PEX1: variants seen among roughly 807,000 people sequenced by gnomAD.
PEX1 encodes the protein peroxisomal ATPase PEX1.
In PEX1, 97 loss-of-function variants were observed where a neutral mutation model predicts 152.5. The ratio of observed to expected loss-of-function variants is 0.64; its 90% CI spans 0.54 to 0.75. The LOEUF (loss-of-function observed/expected upper bound fraction) is 0.75. Ranked by LOEUF, PEX1 falls within the 30% of genes least tolerant of loss-of-function variation. PEX1 has a pLI of 0.00. For synonymous variants in PEX1, 485 were observed against 531.6 expected (o/e 0.91, Z 1.21); for missense variants, 1,357 against 1,516.3 (o/e 0.89, Z 1.74).
intron 16 of PEX1, 138 bp downstream of exon 16, chr7:92,499,566 G>A (rs980183399): frequency 1.4e-6 from 1 of 717,336 alleles, no homozygotes; most frequent in African/African-American, 1.8e-5. Context: ...GAATGAAAAA[G>A]TTTTGAAATT....
intron 12 of PEX1, 90 bp downstream of exon 12, chr7:92,504,642 T>C: frequency 7.8e-7 from 1 of 1,274,220 alleles, no homozygotes; most frequent in Non-Finnish European, 1.1e-6. Context: ...ACACATATAT[T>C]ATTCTCTGAA....
rs1485716896 is a variant in PEX1 at position 92,517,916 on chromosome 7, T to G, written c.599A>C (p.His200Pro). The G allele has an allele frequency of 8.2e-6, 13 of 1,577,738 alleles. No individual in the cohort carries two copies. The highest frequency in any genetic ancestry group is 1.1e-5 in the Non-Finnish European group (13 of 1,166,412). ...SKADAEYKKL[H>P]SYGRDQKGMM... ...TCCTTTCTGGTCTCTTCCATAACTATGAAGTTTTTTATATTCAGCATCAGC... is the reference window on the plus strand; with the variant it reads ...TCCTTTCTGGTCTCTTCCATAACTAGGAAGTTTTTTATATTCAGCATCAGC... The change falls in exon 5 of 24, where the codon CAT (histidine) becomes CCT (proline). Residue 200 changes from histidine to proline, a missense_variant. His to Pro is a moderately conservative substitution (Grantham distance 77). Transcript: ENST00000248633.
chr7:92,522,074 G>A, intron 2 of PEX1, 28 bp downstream of exon 2: 1 of 1,608,484 alleles, frequency 6.2e-7, no homozygotes, highest in East Asian at 2.2e-5. Context: ...GATATTAGAA[G>A]AAAGTTATTG....
At chr7:92,511,093 G>A (rs760189125) in intron 7 of PEX1, 46 bp from the exon 8 acceptor site, 4 of 876,070 alleles carry the variant, frequency 4.6e-6, no homozygotes, top group African/African-American at 1.7e-5. Flanking sequence ...CTGAAACAGA[G>A]ATGAAATAAT....
Position 92,513,952 on chromosome 7 carries a change from T to C in PEX1, c.1255A>G (p.Arg419Gly). 1 of 1,573,374 alleles carries C rather than the reference T, an allele frequency of 6.4e-7. No homozygotes were observed. Among genetic ancestry groups the C allele is most frequent in the Non-Finnish European group, 8.7e-7 (1 of 1,146,264 alleles). ...LGKVWIPDDL[R>G]KRLNIEMHAV... ...TGCATTTCTATATTTAGTCTCTTCCTCAGGTCATCTGGAATCTGAAATTTA... is the reference window on the plus strand; with the variant it reads ...TGCATTTCTATATTTAGTCTCTTCCCCAGGTCATCTGGAATCTGAAATTTA... Residue 419 changes from arginine to glycine, a missense_variant, in exon 6 of 24, where the codon AGG becomes GGG. Coordinates refer to ENST00000248633, the MANE Select transcript of PEX1 (RefSeq NM_000466.3).
chr7:92,505,799 AGAT>A (rs1792161230), intron 11 of PEX1, among the ~76,000 whole-genome samples: 2 of 152,346 alleles, frequency 1.3e-5, no homozygotes, highest in South Asian at 4.1e-4. Flanking sequence ...TTAATTGAAT[AGAT>A]AATAATGTAA....
intron 16 of PEX1, 97 bp downstream of exon 16, chr7:92,499,607 A>T: frequency 1.0e-6 from 1 of 997,338 alleles, no homozygotes; most frequent in Non-Finnish European, 1.6e-6. Context: ...TAGCATTGTG[A>T]ATGCACTAAA....
At chr7:92,512,604 G>A (rs542839341) in intron 6 of PEX1, among the ~76,000 whole-genome samples, 160 of 152,216 alleles carry the variant, frequency 1.1e-3, no homozygotes, top group Non-Finnish European at 1.7e-3. Flanking sequence ...TGGTTCTCCT[G>A]CCTCAGCCTC....
chr7:92,495,155 T>C (rs906653286), intron 17 of PEX1, among the ~76,000 whole-genome samples: 3 of 152,124 alleles, frequency 2.0e-5, no homozygotes, highest in African/African-American at 7.2e-5. Flanking sequence ...CTATAAAATA[T>C]ATTTTATTTC....
In PEX1 at chr7:92,517,429, T is replaced by G. The variant is rs1428526541; in HGVS notation, c.1086A>C (p.Ser362=). ...VLSPEKEKQM[S]EPLDQKKIRS... ...TAATTTTTTTTTGATCTAGTGGCTCTGACATCTGCTTCTCTTTTTCAGGTG... is the reference window on the plus strand; with the variant it reads ...TAATTTTTTTTTGATCTAGTGGCTCGGACATCTGCTTCTCTTTTTCAGGTG... The change falls in exon 5 of 24, where the codon TCA becomes TCC. Residue 362 remains serine (S), a synonymous_variant. Coordinates refer to ENST00000248633, the MANE Select transcript of PEX1 (RefSeq NM_000466.3). 1 of 1,613,948 alleles carries G rather than the reference T, an allele frequency of 6.2e-7. No individual in the cohort carries two copies. Among genetic ancestry groups the G allele is most frequent in the Non-Finnish European group, 8.5e-7 (1 of 1,180,030 alleles).
chr7:92,492,290 T>C (rs996837872), intron 20 of PEX1, among the ~76,000 whole-genome samples: 2 of 152,128 alleles, frequency 1.3e-5, no homozygotes, highest in Non-Finnish European at 2.9e-5. Context: ...ACTACAGGTA[T>C]GTGCCACCAT....
At chr7:92,490,632 C>CAAAAA (rs35917694) in intron 21 of PEX1, among the ~76,000 whole-genome samples, 18 of 79,618 alleles carry the variant, frequency 2.3e-4, no homozygotes, top group African/African-American at 7.4e-4. Flanking sequence ...GAGACTGTCT[C>CAAAAA]AAAAAAAAAA....
At chr7:92,511,726 T>C in intron 6 of PEX1, 23 bp from the exon 7 acceptor site, 1 of 1,602,532 alleles carries the variant, frequency 6.2e-7, no homozygotes, top group Non-Finnish European at 8.5e-7. Flanking sequence ...GGAATAGTAA[T>C]GAATTATCCT....
intron 20 of PEX1, among the ~76,000 whole-genome samples, chr7:92,492,265 T>C (rs1245363204): frequency 6.6e-6 from 1 of 152,072 alleles, no homozygotes; most frequent in Non-Finnish European, 1.5e-5. Context: ...CCACAGCCTC[T>C]CCCAAGAAGC....
intron 16 of PEX1, among the ~76,000 whole-genome samples, chr7:92,497,972 G>A (rs1791734032): frequency 6.7e-6 from 1 of 150,166 alleles, no homozygotes; most frequent in African/African-American, 2.5e-5. Flanking sequence ...GGAGGCTGAG[G>A]CAGGAATCAC....
intron 7 of PEX1, 125 bp downstream of exon 7, chr7:92,511,455 G>T: frequency 1.2e-6 from 1 of 822,900 alleles, no homozygotes; most frequent in Non-Finnish European, 1.9e-6. Context: ...AAAAACTACT[G>T]TTTAATTATC....
At chr7:92,489,218 A>G in intron 23 of PEX1, 75 bp downstream of exon 23, 1 of 1,270,716 alleles carries the variant, frequency 7.9e-7, no homozygotes, top group Admixed American at 1.7e-5. Context: ...TTAAACACGA[A>G]CTTTAAAGGT....
intron 22 of PEX1, 98 bp from the exon 23 acceptor site, chr7:92,489,521 G>T: frequency 2.6e-6 from 3 of 1,149,012 alleles, no homozygotes; most frequent in Non-Finnish European, 3.9e-6. Context: ...TTTTTCAAGA[G>T]ACCATACGTT....
chr7:92,490,222 TTA>T, intron 21 of PEX1: 1 of 346,026 alleles, frequency 2.9e-6, no homozygotes, highest in Middle Eastern at 9.2e-4. Flanking sequence ...GAAAGTAAAG[TTA>T]TACTAAGTTT....
Sources: allele counts gnomAD v4.1 joint callset (sites outside exome capture counted in the v4.1 genomes callset), GRCh38; gene constraint gnomAD v4.1.1; transcripts MANE v1.5; gene names NCBI Gene and HGNC (gene_info 2026-07-23, HGNC 2026-07-21).